Variants in LRMDA observed in about 807,000 individuals in gnomAD.
The protein encoded by LRMDA is leucine-rich melanocyte differentiation-associated protein.
Under a neutral mutation model 29.8 loss-of-function variants are expected in LRMDA, and 18 were observed. The observed-to-expected ratio is 0.60, with a 90% CI of 0.42 to 0.90. LRMDA has a LOEUF of 0.90. Ranked by LOEUF, LRMDA falls within the 40% of genes least tolerant of loss-of-function variation. The pLI is 0.00. For synonymous variants in LRMDA, 125 were observed against 109.4 expected (o/e 1.14, Z -0.89); for missense variants, 273 against 273.9 (o/e 1.00, Z 0.02).
intron 6 of LRMDA, among the ~76,000 whole-genome samples, chr10:76,450,024 A>G (rs1270654526): frequency 6.6e-6 from 1 of 151,970 alleles, no homozygotes; most frequent in Non-Finnish European, 1.5e-5. Context: ...CATTTTCTTT[A>G]TAGTTTAGCT....
chr10:75,810,625 A>T (rs535352925), intron 2 of LRMDA, among the ~76,000 whole-genome samples: 6 of 152,228 alleles, frequency 3.9e-5, no homozygotes, highest in Non-Finnish European at 7.3e-5. Flanking sequence ...GGTTGGTGGG[A>T]CATCCCTTTA....
intron 2 of LRMDA, among the ~76,000 whole-genome samples, chr10:75,678,796 C>T (rs1252939159): frequency 2.0e-5 from 3 of 152,104 alleles, no homozygotes; most frequent in Non-Finnish European, 2.9e-5. Flanking sequence ...GAAGATAGTG[C>T]GGGTATAGTG....
chr10:75,741,436 TA>T (rs111419013), intron 2 of LRMDA, among the ~76,000 whole-genome samples: 806 of 143,538 alleles, frequency 5.6e-3, no homozygotes, highest in Non-Finnish European at 7.0e-3. Flanking sequence ...ACCACTGCTT[TA>T]AAAAAAAAAA....
intron 5 of LRMDA, among the ~76,000 whole-genome samples, chr10:76,246,204 A>G (rs1852372948): frequency 6.6e-6 from 1 of 152,136 alleles, no homozygotes; most frequent in African/African-American, 2.4e-5. Flanking sequence ...AAATAAGGGA[A>G]CCCAAGGCCC....
chr10:76,262,788 C>T (rs775691472), intron 5 of LRMDA, among the ~76,000 whole-genome samples: 2 of 152,186 alleles, frequency 1.3e-5, no homozygotes, highest in African/African-American at 2.4e-5. Flanking sequence ...TTCATGCTTT[C>T]CAGCAAGCTT....
intron 2 of LRMDA, among the ~76,000 whole-genome samples, chr10:75,734,330 A>G (rs1483870884): frequency 6.6e-6 from 1 of 152,186 alleles, no homozygotes; most frequent in Non-Finnish European, 1.5e-5. Flanking sequence ...CGGAGCCACC[A>G]TTTAGGAATG....
chr10:76,228,285 G>A (rs1406307483), intron 5 of LRMDA, among the ~76,000 whole-genome samples: 1 of 152,064 alleles, frequency 6.6e-6, no homozygotes, highest in African/African-American at 2.4e-5. Flanking sequence ...CTCCCAAAGT[G>A]CTAGGTATGA....
chr10:75,816,277 G>A lies in LRMDA; in HGVS notation c.132-219731G>A, dbSNP rs115178583. On this transcript the variant is annotated intron_variant, in intron 2 of 6. Transcript: ENST00000611255. ...GGTACTCCACAAGAGTGCATGAAGC[G>A]TCAGAGAGGAGGTCTAGAACTCTGG... 1.9e-3 allele frequency among the ~76,000 whole-genome samples: 289 copies of A among 152,290 alleles called. 1 individual carries two copies. The highest frequency in any genetic ancestry group is 6.4e-3 in the African/African-American group (267 of 41,554).
chr10:76,482,784 G>C (rs1235162405), intron 6 of LRMDA, among the ~76,000 whole-genome samples: 1 of 151,948 alleles, frequency 6.6e-6, no homozygotes, highest in Non-Finnish European at 1.5e-5. Context: ...GGTTGTACCA[G>C]CTCACATTAT....
intron 5 of LRMDA, among the ~76,000 whole-genome samples, chr10:76,175,478 A>G (rs975628021): frequency 6.6e-6 from 1 of 152,126 alleles, no homozygotes; most frequent in African/African-American, 2.4e-5. Context: ...TTTTAATGCT[A>G]TTATCGTTTC....
At chr10:75,636,338 T>C (rs1841389616) in intron 2 of LRMDA, among the ~76,000 whole-genome samples, 1 of 152,202 alleles carries the variant, frequency 6.6e-6, no homozygotes, top group Non-Finnish European at 1.5e-5. Flanking sequence ...CCTTTCATTT[T>C]TAAAATCATG....
In LRMDA at chr10:75,956,994, T is replaced by C. The variant is rs946551904; in HGVS notation, c.132-79014T>C. On this transcript the variant is annotated intron_variant, in intron 2 of 6. Transcript: ENST00000611255. The stretch of plus-strand genomic sequence containing the variant: ...AATCTTTGCTTTGTTTGCCTTCTTT[T>C]ACACTAAGCAATGAGTTCCTTGCAA... Among the ~76,000 whole-genome samples the C allele has an allele frequency of 4.6e-5, 7 of 152,362 alleles. No homozygotes were observed. In the South Asian group the frequency reaches 1.4e-3, roughly 32 times the overall value.
intron 2 of LRMDA, among the ~76,000 whole-genome samples, chr10:75,734,531 T>C (rs970041758): frequency 3.3e-5 from 5 of 152,236 alleles, no homozygotes; most frequent in Admixed American, 3.3e-4. Context: ...TTACTCTTAA[T>C]TATATCAATA....
At chr10:76,293,381 CAT>C (rs1455224447) in intron 5 of LRMDA, among the ~76,000 whole-genome samples, 2 of 152,200 alleles carry the variant, frequency 1.3e-5, no homozygotes, top group African/African-American at 4.8e-5. Flanking sequence ...TTATGATGCT[CAT>C]GTGTTGATTA....
chr10:76,212,475 G>A (rs1851654221), intron 5 of LRMDA, among the ~76,000 whole-genome samples: 1 of 152,010 alleles, frequency 6.6e-6, no homozygotes, highest in African/African-American at 2.4e-5. Flanking sequence ...GGAAGTGTCT[G>A]CCAAGGTACA....
intron 2 of LRMDA, among the ~76,000 whole-genome samples, chr10:75,748,110 CCAGA>C (rs1271992299): frequency 1.3e-5 from 2 of 149,546 alleles, no homozygotes; most frequent in Non-Finnish European, 3.0e-5. Flanking sequence ...TTTTTTTTTT[CCAGA>C]CAGAGTTCTG....
intron 2 of LRMDA, among the ~76,000 whole-genome samples, chr10:75,676,219 G>A (rs1841958426): frequency 6.6e-6 from 1 of 152,190 alleles, no homozygotes. Context: ...CTTGGCTTGA[G>A]GAAGGTGTTT....
At chr10:75,686,698 T>C (rs1842086127) in intron 2 of LRMDA, among the ~76,000 whole-genome samples, 1 of 152,222 alleles carries the variant, frequency 6.6e-6, no homozygotes, top group South Asian at 2.1e-4. Flanking sequence ...CATTTTCATA[T>C]AGGAGGTATT....
intron 6 of LRMDA, among the ~76,000 whole-genome samples, chr10:76,485,076 T>G (rs1407578417): frequency 6.6e-6 from 1 of 151,892 alleles, no homozygotes; most frequent in Non-Finnish European, 1.5e-5. Context: ...GTCTTGTTTT[T>G]TATCTGCTTC....
Sources: allele counts gnomAD v4.1 joint callset (sites outside exome capture counted in the v4.1 genomes callset), GRCh38; gene constraint gnomAD v4.1.1; transcripts MANE v1.5; gene names NCBI Gene and HGNC (gene_info 2026-07-23, HGNC 2026-07-21).